The following DPYD variants were observed in gnomAD, a reference collection of about 807,000 sequenced individuals.
The protein encoded by DPYD is dihydropyrimidine dehydrogenase [NADP(+)].
Under a neutral mutation model 116.2 loss-of-function variants are expected in DPYD, and 109 were observed. That is an observed-to-expected ratio of 0.94 (90% CI 0.80 to 1.10). The LOEUF is 1.10. Ranked by LOEUF, DPYD falls within the 50% of genes least tolerant of loss-of-function variation. The pLI is 0.00. For missense variants in DPYD, 1,302 were observed against 1,254.5 expected (o/e 1.04, Z -0.57); for synonymous variants, 440 against 432.0 (o/e 1.02, Z -0.23).
intron 14 of DPYD, among the ~76,000 whole-genome samples, chr1:97,443,153 G>T (rs557247555): frequency 6.6e-6 from 1 of 152,070 alleles, no homozygotes; most frequent in African/African-American, 2.4e-5. Context: ...TAGAAAAACA[G>T]AATTTTGTTA....
rs934035825 is a variant in DPYD, at chr1:97,579,798, T to C, written c.1129-5828A>G. On this transcript the variant is annotated intron_variant, in intron 10 of 22. Transcript: ENST00000370192. ...CTTTTCCTAGTCTCCACCAATAAAGTAGTAAGCAGCTATAAGGGTCCATTT... is the reference window on the plus strand; with the variant it reads ...CTTTTCCTAGTCTCCACCAATAAAGCAGTAAGCAGCTATAAGGGTCCATTT... 2.0e-5 allele frequency among the ~76,000 whole-genome samples: 3 copies of C among 152,178 alleles called. No individual in the cohort carries two copies. In the East Asian group the frequency reaches 5.8e-4, roughly 29 times the overall value.
chr1:97,357,035 T>C (rs1444454381), intron 16 of DPYD, among the ~76,000 whole-genome samples: 2 of 152,244 alleles, frequency 1.3e-5, no homozygotes, highest in African/African-American at 4.8e-5. Context: ...TTTAGAATTA[T>C]ATTTTCTATG....
At chr1:97,341,666 G>C (rs1669594339) in intron 16 of DPYD, among the ~76,000 whole-genome samples, 1 of 152,144 alleles carries the variant, frequency 6.6e-6, no homozygotes, top group South Asian at 2.1e-4. Context: ...TAATCACGAA[G>C]ACCTGGTAAG....
chr1:97,224,970 G>A (rs1212715981), intron 19 of DPYD, among the ~76,000 whole-genome samples: 1 of 151,484 alleles, frequency 6.6e-6, no homozygotes, highest in Non-Finnish European at 1.5e-5. Flanking sequence ...ACAGAATATG[G>A]GAGTACAGAT....
At chr1:97,111,626 T>C (rs1044402254) in intron 20 of DPYD, among the ~76,000 whole-genome samples, 1 of 152,062 alleles carries the variant, frequency 6.6e-6, no homozygotes, top group African/African-American at 2.4e-5. Context: ...ATCACACTCT[T>C]CACATCTCCT....
chr1:97,148,252 GT>G (rs11338222), intron 20 of DPYD, among the ~76,000 whole-genome samples: 59,718 of 141,836 alleles, frequency 0.42, 12,704 homozygotes, highest in East Asian at 0.55. Flanking sequence ...GTGTGTGTGT[GT>G]GGGGGGGGTG....
chr1:97,126,992 C>T (rs1351868723), intron 20 of DPYD, among the ~76,000 whole-genome samples: 1 of 152,074 alleles, frequency 6.6e-6, no homozygotes, highest in Admixed American at 6.6e-5. Context: ...TTCTAAGGAA[C>T]CCAAAGATAA....
At chr1:97,599,953 C>T (rs1339587120) in intron 8 of DPYD, among the ~76,000 whole-genome samples, 1 of 144,310 alleles carries the variant, frequency 6.9e-6, no homozygotes, top group African/African-American at 2.6e-5. Flanking sequence ...GGCTGAGGCA[C>T]AAGAATCGCT....
intron 16 of DPYD, among the ~76,000 whole-genome samples, chr1:97,322,240 A>T (rs975717329): frequency 6.7e-6 from 1 of 150,350 alleles, no homozygotes; most frequent in South Asian, 2.1e-4. Context: ...ATAATAAAAA[A>T]AAATAATAAA....
At chr1:97,190,139 C>A (rs1055146083) in intron 20 of DPYD, among the ~76,000 whole-genome samples, 1 of 152,154 alleles carries the variant, frequency 6.6e-6, no homozygotes, top group African/African-American at 2.4e-5. Context: ...GTCCTACATG[C>A]AGTTTCTTCA....
At chr1:97,090,602 A>G (rs926551338) in intron 21 of DPYD, among the ~76,000 whole-genome samples, 2 of 152,222 alleles carry the variant, frequency 1.3e-5, no homozygotes, top group Admixed American at 1.3e-4. Context: ...CCCAAGGCAG[A>G]ACTAATCCCT....
intron 1 of DPYD, among the ~76,000 whole-genome samples, chr1:97,905,148 CTTTGT>C (rs999792483): frequency 6.6e-6 from 1 of 151,958 alleles, no homozygotes; most frequent in Non-Finnish European, 1.5e-5. Flanking sequence ...ACTAGAATTG[CTTTGT>C]TTTGAACACT....
At chr1:97,669,659 A>C (rs1659751469) in intron 8 of DPYD, among the ~76,000 whole-genome samples, 1 of 152,204 alleles carries the variant, frequency 6.6e-6, no homozygotes, top group African/African-American at 2.4e-5. Context: ...ACAGAGAAAG[A>C]GATTATTAGA....
intron 18 of DPYD, among the ~76,000 whole-genome samples, chr1:97,286,059 C>T (rs1048900593): frequency 6.6e-6 from 1 of 152,102 alleles, no homozygotes; most frequent in African/African-American, 2.4e-5. Flanking sequence ...TGGCTGGAAC[C>T]GGTTGTTCCT....
At chr1:97,530,067 T>A (rs1008007950) in intron 12 of DPYD, among the ~76,000 whole-genome samples, 3 of 152,082 alleles carry the variant, frequency 2.0e-5, no homozygotes, top group African/African-American at 7.2e-5. Flanking sequence ...ATAGAGGGAA[T>A]CATGCAGTAT....
intron 8 of DPYD, among the ~76,000 whole-genome samples, chr1:97,673,758 C>A (rs1389335225): frequency 6.6e-6 from 1 of 151,960 alleles, no homozygotes; most frequent in Non-Finnish European, 1.5e-5. Context: ...ATTCATTAAT[C>A]CAGGCTAAAG....
intron 8 of DPYD, among the ~76,000 whole-genome samples, chr1:97,611,625 G>A (rs1040908017): frequency 6.6e-6 from 1 of 151,928 alleles, no homozygotes; most frequent in South Asian, 2.1e-4. Context: ...CATCACAGCA[G>A]TTTTCAAACA....
At chr1:97,828,250 A>G (rs1669343735) in intron 2 of DPYD, 54 bp from the exon 3 acceptor site, 3 of 1,542,100 alleles carry the variant, frequency 1.9e-6, no homozygotes, top group African/African-American at 2.7e-5. Context: ...GAAAAATTGT[A>G]TCTATGCAGT....
chr1:97,742,908 T>C (rs891652373), intron 3 of DPYD, among the ~76,000 whole-genome samples: 1 of 152,144 alleles, frequency 6.6e-6, no homozygotes, highest in Non-Finnish European at 1.5e-5. Flanking sequence ...GCACATCATA[T>C]GGATTCTGGT....
Sources: gnomAD v4.1 joint callset for allele counts (sites outside exome capture counted in the v4.1 genomes callset) on GRCh38, gnomAD v4.1.1 for gene constraint, MANE v1.5 for transcripts, NCBI Gene and HGNC (gene_info 2026-07-23, HGNC 2026-07-21) for gene names.